Variants in TFB2M observed in about 807,000 individuals in gnomAD.
TFB2M encodes dimethyladenosine transferase 2, mitochondrial.
Under a neutral mutation model 41.3 loss-of-function variants are expected in TFB2M, and 44 were observed. The observed-to-expected ratio is 1.07, with a 90% CI of 0.84 to 1.37. TFB2M has a LOEUF of 1.37. Ranked by LOEUF, TFB2M falls within the 40% of genes most tolerant of loss-of-function variation. The pLI, the probability that TFB2M is intolerant of heterozygous loss-of-function variation, is 0.00. For missense variants in TFB2M, 496 were observed against 490.2 expected, an observed-to-expected ratio of 1.01 and a Z score of -0.11; for synonymous variants, 188 against 176.8, an observed-to-expected ratio of 1.06 and a Z score of -0.50.
chr1:246,545,295 C>T (rs941292150), intron 6 of TFB2M, among the ~76,000 whole-genome samples: 12 of 152,014 alleles, frequency 7.9e-5, no homozygotes, highest in African/African-American at 2.4e-4. Context: ...CTTTGGGAGG[C>T]CAAGGCGTGG....
At chr1:246,561,320 G>A (rs1236416938) in intron 2 of TFB2M, among the ~76,000 whole-genome samples, 1 of 152,164 alleles carries the variant, frequency 6.6e-6, no homozygotes, top group Non-Finnish European at 1.5e-5. Flanking sequence ...TTTAGTCAAT[G>A]ATGTTTATAT....
chr1:246,564,824 C>A (rs1054580513), intron 1 of TFB2M, among the ~76,000 whole-genome samples: 1 of 152,166 alleles, frequency 6.6e-6, no homozygotes, highest in South Asian at 2.1e-4. Flanking sequence ...GGATTACAGG[C>A]GCCCGCCACC....
At position 246,541,113 on chromosome 1, in the gene TFB2M, A is replaced by G; in HGVS notation, c.1109T>C (p.Phe370Ser). 1 of 1,614,134 alleles carries G rather than the reference A, an allele frequency of 6.2e-7. No individual in the cohort carries two copies. Among genetic ancestry groups the G allele is most frequent in the Non-Finnish European group, 8.5e-7 (1 of 1,179,984 alleles). Residue 370 changes from phenylalanine (F) to serine (S), a missense_variant, in exon 8 of 8, where the codon TTC becomes TCC. Phe to Ser is a radical substitution (Grantham distance 155, BLOSUM62 -2). Transcript: ENST00000366514. ...EKVVNMHPQD[F>S]KTLFETIERS... ...CTCTATAGTTTCAAAAAGTGTTTTG[A>G]AGTCTTGAGGGTGCATGTTAACTAC...
At chr1:246,548,906 A>G (rs1659094776) in intron 5 of TFB2M, among the ~76,000 whole-genome samples, 1 of 152,270 alleles carries the variant, frequency 6.6e-6, no homozygotes, top group South Asian at 2.1e-4. Context: ...CAATATTTCC[A>G]TATCACAGTC....
At chr1:246,555,566 T>C (rs1437246067) in intron 4 of TFB2M, among the ~76,000 whole-genome samples, 1 of 152,012 alleles carries the variant, frequency 6.6e-6, no homozygotes, top group East Asian at 1.9e-4. Flanking sequence ...GGCAAGACCC[T>C]GTCTCAAAAA....
chr1:246,549,489 G>A (rs1659113017), intron 5 of TFB2M, among the ~76,000 whole-genome samples: 1 of 152,182 alleles, frequency 6.6e-6, no homozygotes, highest in Non-Finnish European at 1.5e-5. Context: ...GGCTGAGGCG[G>A]GAGGATTGCT....
chr1:246,544,407 G>C (rs2275266), intron 7 of TFB2M, 114 bp downstream of exon 7: 226,026 of 951,830 alleles, frequency 0.24, 27,888 homozygotes, highest in African/African-American at 0.35. Context: ...AGAAATATGA[G>C]GGAAAACATG....
Position 246,548,571 on chromosome 1 carries a change from C to A in TFB2M, c.832G>T (p.Gly278Trp). 6.2e-7 allele frequency: 1 copy of A among 1,613,334 alleles called. No homozygotes were observed. The change falls in exon 6 of 8, where the codon GGG becomes TGG. Residue 278 changes from glycine (G) to tryptophan (W), a missense_variant. Gly to Trp is a radical substitution (Grantham distance 184). Coordinates refer to ENST00000366514, the MANE Select transcript of TFB2M (RefSeq NM_022366.3). ...WSSFDIYTRKGPLENPKRREL... is the reference protein window; with the variant it reads ...WSSFDIYTRKWPLENPKRREL... ...CTACGCTTTGGGTTTTCCAGCGGCC[C>A]TTTCCGGGTGTATATATCAAATGAT...
chr1:246,547,162 T>G (rs1659045291), intron 6 of TFB2M, among the ~76,000 whole-genome samples: 1 of 152,118 alleles, frequency 6.6e-6, no homozygotes, highest in Non-Finnish European at 1.5e-5. Context: ...TCTTGTATTT[T>G]TAGCAGAGAT....
At chr1:246,556,933 CAG>C (rs1659338392) in intron 3 of TFB2M, among the ~76,000 whole-genome samples, 1 of 152,078 alleles carries the variant, frequency 6.6e-6, no homozygotes. Flanking sequence ...ATGCCATATT[CAG>C]AGTCAGAGCA....
chr1:246,541,011 C>T lies in TFB2M; in HGVS notation c.*20G>A, dbSNP rs373977647. 1.9e-6 allele frequency: 3 copies of T among 1,578,202 alleles called. No homozygotes were observed. Among genetic ancestry groups the T allele is most frequent in the Non-Finnish European group, 2.6e-6 (3 of 1,163,086 alleles). ...TTTCCAAATAAATGAACCGCTCCAC[C>T]AAAAACGACAGTCTAGTTGCTACCT... On this transcript the variant is annotated 3_prime_UTR_variant, in exon 8 of 8. Coordinates refer to ENST00000366514, the MANE Select transcript of TFB2M (RefSeq NM_022366.3).
chr1:246,544,948 G>A (rs966119248), intron 6 of TFB2M, among the ~76,000 whole-genome samples: 32 of 152,088 alleles, frequency 2.1e-4, no homozygotes, highest in African/African-American at 7.2e-4. Flanking sequence ...TGGGACTACA[G>A]GCGCCCACCA....
intron 5 of TFB2M, among the ~76,000 whole-genome samples, chr1:246,548,868 A>G (rs779964920): frequency 2.6e-5 from 4 of 152,220 alleles, no homozygotes; most frequent in Non-Finnish European, 5.9e-5. Context: ...AATTACGCAA[A>G]TAAGTATTTG....
intron 6 of TFB2M, among the ~76,000 whole-genome samples, chr1:246,545,047 C>A (rs558826912): frequency 7.3e-6 from 1 of 137,092 alleles, no homozygotes; most frequent in African/African-American, 2.6e-5. Flanking sequence ...CCTCGTGATC[C>A]GCCCGCCTCG....
At chr1:246,541,587 G>A (rs1449501642) in intron 7 of TFB2M, among the ~76,000 whole-genome samples, 1 of 151,938 alleles carries the variant, frequency 6.6e-6, no homozygotes, top group Non-Finnish European at 1.5e-5. Context: ...GTAACTTTAT[G>A]CTTATTTCTA....
At chr1:246,554,772 C>T (rs1355094788) in intron 4 of TFB2M, among the ~76,000 whole-genome samples, 2 of 152,170 alleles carry the variant, frequency 1.3e-5, no homozygotes, top group East Asian at 1.9e-4. Flanking sequence ...CAAAACTGGT[C>T]CCTGGTGCCA....
chr1:246,545,301 C>T (rs79731108), intron 6 of TFB2M, among the ~76,000 whole-genome samples: 3,102 of 152,044 alleles, frequency 0.02, 45 homozygotes, highest in African/African-American at 0.037. Flanking sequence ...GAGGCCAAGG[C>T]GTGGATCACT....
At chr1:246,549,057 C>A (rs1659097731) in intron 5 of TFB2M, among the ~76,000 whole-genome samples, 1 of 152,100 alleles carries the variant, frequency 6.6e-6, no homozygotes, top group African/African-American at 2.4e-5. Flanking sequence ...TAGTGTCGAC[C>A]AGGTGCTGTG....
Position 246,544,596 on chromosome 1 carries a change from A to G in TFB2M, c.944T>C (p.Met315Thr), listed in dbSNP as rs1332992806. The G allele has an allele frequency of 6.2e-7, 1 of 1,611,718 alleles. No individual in the cohort carries two copies. The highest frequency in any genetic ancestry group is 8.5e-7 in the Non-Finnish European group (1 of 1,179,338). Residue 315 changes from methionine to threonine, a missense_variant, in exon 7 of 8, where the codon ATG becomes ACG. Met to Thr is a moderately conservative substitution (Grantham distance 81, BLOSUM62 -1). Transcript: ENST00000366514. ...CAAGTGAAAAAATATATTATAGTTCATAGGTGTTAAGTTCTTGGTAAATAA... is the reference window on the plus strand; with the variant it reads ...CAAGTGAAAAAATATATTATAGTTCGTAGGTGTTAAGTTCTTGGTAAATAA... Reference protein sequence around the residue: ...QNLFTKNLTPMNYNIFFHLLK... With the variant: ...QNLFTKNLTPTNYNIFFHLLK...
Sources: gnomAD v4.1 joint callset for allele counts (sites outside exome capture counted in the v4.1 genomes callset) on GRCh38, gnomAD v4.1.1 for gene constraint, MANE v1.5 for transcripts, NCBI Gene and HGNC (gene_info 2026-07-23, HGNC 2026-07-21) for gene names.